The following GULP1 variants were observed in gnomAD, a reference collection of about 807,000 sequenced individuals.
GULP1 encodes PTB domain-containing engulfment adapter protein 1.
GULP1 carries 19 observed loss-of-function variants against 40.9 expected under a neutral mutation model. The observed-to-expected ratio is 0.46, with a 90% confidence interval of 0.32 to 0.68. The LOEUF (loss-of-function observed/expected upper bound fraction) is 0.68. Among genes scored for constraint, GULP1 ranks in the 30% least tolerant of loss-of-function variants. The pLI, the probability that GULP1 is intolerant of heterozygous loss-of-function variation, is 0.03. For synonymous variants in GULP1, 119 were observed against 117.6 expected (o/e 1.01, Z -0.08); for missense variants, 312 against 362.2 (o/e 0.86, Z 1.12).
chr2:188,574,242 A>G (rs1307693063), intron 9 of GULP1, among the ~76,000 whole-genome samples: 1 of 152,128 alleles, frequency 6.6e-6, no homozygotes, highest in African/African-American at 2.4e-5. Context: ...AATAATGTAA[A>G]TCACTATTAT....
chr2:188,553,764 G>T (rs533250248), intron 7 of GULP1, among the ~76,000 whole-genome samples: 3 of 152,080 alleles, frequency 2.0e-5, no homozygotes, highest in African/African-American at 7.2e-5. Flanking sequence ...GAATTTTATT[G>T]TGAATCCATC....
intron 1 of GULP1, among the ~76,000 whole-genome samples, chr2:188,379,527 C>G (rs2048738603): frequency 6.6e-6 from 1 of 152,016 alleles, no homozygotes; most frequent in Non-Finnish European, 1.5e-5. Flanking sequence ...CACACATTTC[C>G]AAGAAGTAAT....
At chr2:188,441,801 T>A (rs2057959810) in intron 2 of GULP1, among the ~76,000 whole-genome samples, 1 of 152,194 alleles carries the variant, frequency 6.6e-6, no homozygotes, top group African/African-American at 2.4e-5. Context: ...TTCTTGCATG[T>A]GCTAGAATTG....
intron 7 of GULP1, among the ~76,000 whole-genome samples, chr2:188,547,455 A>G (rs1692266320): frequency 1.3e-5 from 2 of 152,176 alleles, no homozygotes. Context: ...CAAGGAAGCC[A>G]GTCATAGTCC....
intron 2 of GULP1, among the ~76,000 whole-genome samples, chr2:188,408,063 A>AG (rs2053367691): frequency 6.6e-6 from 1 of 152,124 alleles, no homozygotes; most frequent in South Asian, 2.1e-4. Context: ...TGTTTACTGG[A>AG]GGTAGGGCCT....
chr2:188,352,515 G>A (rs545733868), intron 1 of GULP1, among the ~76,000 whole-genome samples: 6 of 151,698 alleles, frequency 4.0e-5, no homozygotes, highest in Admixed American at 6.6e-5. Flanking sequence ...CTTAGCTTCC[G>A]TCATTGCATG....
intron 1 of GULP1, among the ~76,000 whole-genome samples, chr2:188,316,346 T>G (rs575801567): frequency 2.0e-5 from 3 of 152,296 alleles, no homozygotes; most frequent in African/African-American, 7.2e-5. Flanking sequence ...TCTACTAGGT[T>G]GTTTGCTTTC....
intron 1 of GULP1, among the ~76,000 whole-genome samples, chr2:188,370,797 T>C (rs1005583942): frequency 6.6e-5 from 10 of 152,082 alleles, no homozygotes; most frequent in African/African-American, 2.4e-4. Flanking sequence ...TTTTTTAAAT[T>C]TGAGGGGGGA....
At chr2:188,375,985 C>A (rs1351651769) in intron 1 of GULP1, among the ~76,000 whole-genome samples, 6 of 152,002 alleles carry the variant, frequency 3.9e-5, no homozygotes. Flanking sequence ...TATGAAAAGC[C>A]AGCCCTCCAT....
chr2:188,381,374 C>T (rs767988232), intron 1 of GULP1, among the ~76,000 whole-genome samples: 25 of 151,516 alleles, frequency 1.6e-4, no homozygotes, highest in Non-Finnish European at 2.9e-4. Context: ...TTTCAGTCAA[C>T]GTAAGATAAA....
intron 1 of GULP1, among the ~76,000 whole-genome samples, chr2:188,380,050 G>A (rs532044092): frequency 9.2e-5 from 14 of 152,186 alleles, no homozygotes; most frequent in African/African-American, 2.9e-4. Flanking sequence ...AAACAATTGG[G>A]CATTCAATAG....
intron 2 of GULP1, among the ~76,000 whole-genome samples, chr2:188,465,584 G>T (rs1195424064): frequency 6.6e-6 from 1 of 152,124 alleles, no homozygotes. Flanking sequence ...GAGCACTTTA[G>T]CTCATGATGG....
At position 188,485,049 on chromosome 2, in the gene GULP1, T is replaced by A. The variant is rs371809817; in HGVS notation, c.90+1557T>A. On this transcript the variant is annotated intron_variant, in intron 4 of 11. Coordinates refer to ENST00000409830, the MANE Select transcript of GULP1 (RefSeq NM_016315.4). The stretch of plus-strand genomic sequence containing the variant: ...CTATATGAAATCTATACTGAAAAAA[T>A]TTTAATCTGGAAAGCTGCTATGATT... Among the ~76,000 whole-genome samples, 70 of 152,214 alleles carry A rather than the reference T, an allele frequency of 4.6e-4. No homozygotes were observed. In the South Asian group the frequency reaches 0.015, roughly 32 times the overall value.
intron 1 of GULP1, among the ~76,000 whole-genome samples, chr2:188,302,155 G>T (rs2106101432): frequency 6.6e-6 from 1 of 152,162 alleles, no homozygotes; most frequent in African/African-American, 2.4e-5. Context: ...TATGGTTAGT[G>T]CTATTAGTCT....
intron 2 of GULP1, among the ~76,000 whole-genome samples, chr2:188,391,032 A>G (rs189325976): frequency 2.6e-4 from 39 of 151,400 alleles, no homozygotes; most frequent in Admixed American, 6.6e-4. Flanking sequence ...ATATAATATA[A>G]TTGAAAATGT....
At chr2:188,517,614 G>T (rs948179581) in intron 4 of GULP1, among the ~76,000 whole-genome samples, 1 of 152,060 alleles carries the variant, frequency 6.6e-6, no homozygotes, top group Non-Finnish European at 1.5e-5. Flanking sequence ...GCCAACTGGC[G>T]GTTCTGTGGA....
At chr2:188,421,948 A>G (rs573602394) in intron 2 of GULP1, among the ~76,000 whole-genome samples, 6 of 152,338 alleles carry the variant, frequency 3.9e-5, no homozygotes, top group South Asian at 4.1e-4. Flanking sequence ...TTTTTATTCA[A>G]AGAAAAAGTA....
intron 4 of GULP1, among the ~76,000 whole-genome samples, chr2:188,503,068 T>A (rs1354634086): frequency 6.6e-6 from 1 of 151,932 alleles, no homozygotes; most frequent in Non-Finnish European, 1.5e-5. Context: ...CACGTTTTAA[T>A]ACTGTTGCTC....
chr2:188,557,610 C>T (rs756720739), intron 7 of GULP1, among the ~76,000 whole-genome samples: 5 of 152,320 alleles, frequency 3.3e-5, no homozygotes, highest in South Asian at 2.1e-4. Flanking sequence ...CACGTGCTGG[C>T]GTTAAGTGCT....
Sources: allele counts gnomAD v4.1 joint callset (sites outside exome capture counted in the v4.1 genomes callset), GRCh38; gene constraint gnomAD v4.1.1; transcripts MANE v1.5; gene names NCBI Gene and HGNC (gene_info 2026-07-23, HGNC 2026-07-21).